Variants in TSPAN9 observed in about 807,000 individuals in gnomAD.
TSPAN9 encodes tetraspanin 9.
Under a neutral mutation model 31.0 loss-of-function variants are expected in TSPAN9, and 16 were observed. That is an observed-to-expected ratio of 0.52 (90% CI 0.35 to 0.78). The LOEUF (loss-of-function observed/expected upper bound fraction) is 0.78, where lower values mean the gene tolerates loss of function less well. Ranked by LOEUF, TSPAN9 falls within the 30% of genes least tolerant of loss-of-function variation. The probability of loss-of-function intolerance (pLI) is 0.01; values close to 1 mark genes in which losing one functional copy is unlikely to be tolerated. For missense variants in TSPAN9, 272 were observed against 312.5 expected, an observed-to-expected ratio of 0.87 and a Z score of 0.98; for synonymous variants, 145 against 121.6, an observed-to-expected ratio of 1.19 and a Z score of -1.27.
intron 2 of TSPAN9, among the ~76,000 whole-genome samples, chr12:3,122,358 A>G (rs1376657363): frequency 6.6e-6 from 1 of 151,644 alleles, no homozygotes; most frequent in African/African-American, 2.4e-5. Context: ...TCTGTCACCC[A>G]GGCTGGTGTG....
chr12:3,205,122 GGGGGC>G (rs2098374275), intron 3 of TSPAN9, among the ~76,000 whole-genome samples: 1 of 152,152 alleles, frequency 6.6e-6, no homozygotes. Flanking sequence ...GTGGAGGGGT[GGGGGC>G]GGGGCTGGGG....
intron 2 of TSPAN9, among the ~76,000 whole-genome samples, chr12:3,088,954 T>C (rs1343140244): frequency 1.3e-5 from 2 of 151,778 alleles, no homozygotes; most frequent in Admixed American, 6.6e-5. Context: ...CACTATAGGC[T>C]GGGTGTGATG....
intron 2 of TSPAN9, among the ~76,000 whole-genome samples, chr12:3,095,814 G>A (rs2098308240): frequency 6.7e-6 from 1 of 148,340 alleles, no homozygotes. Context: ...TTCCTAGATG[G>A]GATGGCGGCC....
chr12:3,165,770 A>C (rs1457527727), intron 2 of TSPAN9, among the ~76,000 whole-genome samples: 2 of 152,186 alleles, frequency 1.3e-5, no homozygotes, highest in Non-Finnish European at 2.9e-5. Context: ...GGTTTAATTT[A>C]TGATGGCGCC....
Position 3,154,054 on chromosome 12 carries a change from C to T in TSPAN9, c.-17-47123C>T, listed in dbSNP as rs554720759. Reference sequence around the variant, plus strand: ...TGTGTGTGTGTGTCTGTGGATGTATCTCTATCTGTTTCTCTGTCTAGCTGT... The same window carrying T: ...TGTGTGTGTGTGTCTGTGGATGTATTTCTATCTGTTTCTCTGTCTAGCTGT... On this transcript the variant is annotated intron_variant, in intron 2 of 8. Transcript: ENST00000011898. Among the ~76,000 whole-genome samples the T allele has an allele frequency of 3.0e-4, 46 of 151,742 alleles. 1 individual carries two copies. In the South Asian group the frequency reaches 7.7e-3, roughly 25 times the overall value.
intron 1 of TSPAN9, among the ~76,000 whole-genome samples, chr12:3,081,844 G>GTCTATATATATATATA (rs57812985): frequency 8.6e-6 from 1 of 116,738 alleles, no homozygotes; most frequent in African/African-American, 3.7e-5. Context: ...GTCTGTGTGT[G>GTCTATATATATATATA]TATATATATG....
At chr12:3,256,309 G>A (rs912392551) in intron 3 of TSPAN9, among the ~76,000 whole-genome samples, 2 of 152,198 alleles carry the variant, frequency 1.3e-5, no homozygotes, top group African/African-American at 2.4e-5. Flanking sequence ...CCCGCTGAGC[G>A]CAGCACTCAA....
chr12:3,203,346 C>T (rs901459354), intron 3 of TSPAN9, among the ~76,000 whole-genome samples: 5 of 152,210 alleles, frequency 3.3e-5, no homozygotes, highest in Non-Finnish European at 7.3e-5. Context: ...AACATGTTGT[C>T]ATGTGGTAGT....
chr12:3,094,872 TTTTA>T (rs2098307135), intron 2 of TSPAN9, among the ~76,000 whole-genome samples: 5 of 140,908 alleles, frequency 3.5e-5, no homozygotes, highest in African/African-American at 7.8e-5. Context: ...TTTTTTTTGT[TTTTA>T]AATTTATTTT....
intron 2 of TSPAN9, among the ~76,000 whole-genome samples, chr12:3,094,152 C>T (rs545322679): frequency 6.6e-6 from 1 of 152,236 alleles, no homozygotes; most frequent in Admixed American, 6.5e-5. Context: ...ATGAGTGAGC[C>T]ACCACGCCCA....
At chr12:3,281,695 T>C (rs1325037586) in intron 7 of TSPAN9, 39 bp from the exon 8 acceptor site, 1 of 1,598,178 alleles carries the variant, frequency 6.3e-7, no homozygotes, top group Admixed American at 1.7e-5. Flanking sequence ...GAGCGCATGC[T>C]TGGGCTGGGA....
chr12:3,112,856 A>AT (rs957957776), intron 2 of TSPAN9, among the ~76,000 whole-genome samples: 20 of 151,150 alleles, frequency 1.3e-4, no homozygotes, highest in African/African-American at 3.9e-4. Flanking sequence ...CTAATTTTTA[A>AT]TTTTTTTGTA....
chr12:3,283,369 A>T lies in TSPAN9; in HGVS notation c.*253A>T. On this transcript the variant is annotated 3_prime_UTR_variant, in exon 9 of 9. Coordinates refer to ENST00000011898, the MANE Select transcript of TSPAN9 (RefSeq NM_006675.5). ...TGCATATGCGTATTTGCCAAAGACG[A>T]CAGGGTGGGCTGGGGTGCGCTCCGG... is the stretch of plus-strand genomic sequence containing the variant. 2.2e-6 allele frequency: 1 copy of T among 455,730 alleles called. No homozygotes were observed. Among genetic ancestry groups the T allele is most frequent in the Non-Finnish European group, 3.9e-6 (1 of 256,992 alleles). The allele number at this position is 455,730 out of a possible 1,614,324, so 28.2% of individuals were successfully genotyped here.
intron 2 of TSPAN9, among the ~76,000 whole-genome samples, chr12:3,118,256 G>GTTTTTTTTTTCTTTTT (rs2098323379): frequency 3.2e-5 from 1 of 31,582 alleles, no homozygotes; most frequent in Non-Finnish European, 6.4e-5. Flanking sequence ...TGCACCCGCC[G>GTTTTTTTTTTCTTTTT]TTTTTTTTTT....
chr12:3,125,327 A>G (rs2153966541), intron 2 of TSPAN9, among the ~76,000 whole-genome samples: 1 of 152,216 alleles, frequency 6.6e-6, no homozygotes, highest in African/African-American at 2.4e-5. Flanking sequence ...CTGCGTGCTC[A>G]GCACAGCACC....
At position 3,181,179 on chromosome 12, in the gene TSPAN9, G is replaced by A. The variant is rs1204050739; in HGVS notation, c.-17-19998G>A. Among the ~76,000 whole-genome samples the A allele has an allele frequency of 4.6e-5, 7 of 152,156 alleles. No individual in the cohort carries two copies. The East Asian group carries it at 7.7e-4, about 17-fold the overall frequency. ...TAGGCCTCTGCTTTACTACTCCAGA[G>A]GGGAAGACTAATTGCATTAGCCAGA... On this transcript the variant is annotated intron_variant, in intron 2 of 8. Coordinates refer to ENST00000011898, the MANE Select transcript of TSPAN9 (RefSeq NM_006675.5).
intron 3 of TSPAN9, among the ~76,000 whole-genome samples, chr12:3,260,571 C>G (rs150121417): frequency 1.1e-3 from 160 of 152,338 alleles, no homozygotes; most frequent in African/African-American, 3.5e-3. Context: ...CTCTCGGGAT[C>G]CTACTCTACG....
At position 3,201,331 on chromosome 12, in the gene TSPAN9, C is replaced by T. The variant is rs149853835; in HGVS notation, c.63+75C>T. 5.7e-4 allele frequency: 791 copies of T among 1,395,564 alleles called. 10 individuals carry two copies. The East Asian group carries it at 0.016, about 29-fold the overall frequency. The allele number at this position is 1,395,564 out of a possible 1,614,324, so 86.4% of individuals were successfully genotyped here. A position where few individuals can be genotyped will look rare whatever the true frequency, so the allele number is the denominator to read the frequency against. ...CTTACCATAGCGTGAATACCCTCTC[C>T]CTCTTCTGTGCTGCATTGCTCTGCT... is the stretch of plus-strand genomic sequence containing the variant. On this transcript the variant is annotated intron_variant, in intron 3 of 8. Transcript: ENST00000011898.
At position 3,187,838 on chromosome 12, in the gene TSPAN9, G is replaced by T. The variant is rs1591666847; in HGVS notation, c.-17-13339G>T. On this transcript the variant is annotated intron_variant, in intron 2 of 8. Coordinates refer to ENST00000011898, the MANE Select transcript of TSPAN9 (RefSeq NM_006675.5). This position sits in a 1 kb window ranked among gnomAD's most constrained non-coding sequence, Gnocchi z 5.2. Reference sequence around the variant, plus strand: ...GATGGGCCAGACTCTCCCTGGGCAGGTCCTCGGGGCACTCCCAGGCTGAAC... The same window carrying T: ...GATGGGCCAGACTCTCCCTGGGCAGTTCCTCGGGGCACTCCCAGGCTGAAC... Among the ~76,000 whole-genome samples the T allele has an allele frequency of 6.6e-6, 1 of 152,252 alleles. No individual in the cohort carries two copies. The highest frequency in any genetic ancestry group is 1.9e-4 in the East Asian group (1 of 5,174).
Sources: allele counts gnomAD v4.1 joint callset (sites outside exome capture counted in the v4.1 genomes callset), GRCh38; gene constraint gnomAD v4.1.1; non-coding constraint Gnocchi (gnomAD v3.1); transcripts MANE v1.5; gene names NCBI Gene and HGNC (gene_info 2026-07-23, HGNC 2026-07-21).